BRD10: variants seen among roughly 807,000 people sequenced by gnomAD.
BRD10 encodes bromodomain containing 10, also known as uncharacterized bromodomain-containing protein 10.
the BRD10 span, among the ~76,000 whole-genome samples, chr9:5,912,460 G>C: frequency 6.6e-6 from 1 of 151,392 alleles, no homozygotes; most frequent in East Asian, 1.9e-4. Flanking sequence ...GGGGTGGGGG[G>C]TTGGGGAACG....
the BRD10 span, chr9:5,919,717 C>G: frequency 1.2e-6 from 2 of 1,611,604 alleles, no homozygotes; most frequent in Non-Finnish European, 1.7e-6. Flanking sequence ...TCTCTAAGCC[C>G]GACGACTGAA....
chr9:5,943,551 A>G, the BRD10 span, among the ~76,000 whole-genome samples: 36 of 152,098 alleles, frequency 2.4e-4, no homozygotes, highest in South Asian at 4.2e-4. Context: ...AACATAAAAA[A>G]AAAAAAAAAC....
the BRD10 span, among the ~76,000 whole-genome samples, chr9:6,003,190 G>A: frequency 4.6e-5 from 7 of 152,014 alleles, no homozygotes; most frequent in Admixed American, 4.6e-4. Flanking sequence ...ATCATAAATG[G>A]CAAAATTAAA....
At chr9:5,981,386 T>C in the BRD10 span, among the ~76,000 whole-genome samples, 38 of 152,376 alleles carry the variant, frequency 2.5e-4, no homozygotes, top group African/African-American at 9.1e-4. Context: ...TTCTGCTACA[T>C]TGTAACCCCT....
At chr9:5,938,007 A>G in the BRD10 span, among the ~76,000 whole-genome samples, 1 of 152,146 alleles carries the variant, frequency 6.6e-6, no homozygotes, top group African/African-American at 2.4e-5. Flanking sequence ...CATAAAATTC[A>G]TGTTATTTGC....
chr9:5,925,284 A>G, the BRD10 span, among the ~76,000 whole-genome samples: 3 of 151,040 alleles, frequency 2.0e-5, no homozygotes, highest in Non-Finnish European at 4.4e-5. Flanking sequence ...GCTTGAACCC[A>G]GGAGGTGGAG....
At chr9:5,982,046 T>C in the BRD10 span, among the ~76,000 whole-genome samples, 2 of 145,250 alleles carry the variant, frequency 1.4e-5, no homozygotes, top group Non-Finnish European at 1.5e-5. Context: ...TGTATGTATG[T>C]ATGTGTGTGT....
the BRD10 span, chr9:6,007,222 A>G: frequency 6.2e-7 from 1 of 1,613,568 alleles, no homozygotes. Flanking sequence ...CTTCTGCTCC[A>G]GCATCATCTC....
the BRD10 span, chr9:5,923,274 C>T: frequency 5.6e-6 from 9 of 1,610,606 alleles, no homozygotes; most frequent in Non-Finnish European, 6.8e-6. Context: ...TTGCTTCTAG[C>T]CATAGGAAAA....
At chr9:5,918,310 T>A in the BRD10 span, among the ~76,000 whole-genome samples, 1 of 152,176 alleles carries the variant, frequency 6.6e-6, no homozygotes, top group African/African-American at 2.4e-5. Flanking sequence ...CAACAATAAC[T>A]TCATGTGATG....
At chr9:5,948,923 T>C in the BRD10 span, among the ~76,000 whole-genome samples, 87 of 152,242 alleles carry the variant, frequency 5.7e-4, no homozygotes, top group Admixed American at 2.6e-3. Flanking sequence ...TTTCTTATCA[T>C]CACCATACCA....
the BRD10 span, among the ~76,000 whole-genome samples, chr9:5,943,412 C>T: frequency 1.3e-5 from 2 of 151,922 alleles, no homozygotes; most frequent in African/African-American, 4.8e-5. Context: ...CTTTATTTAA[C>T]AGAATTGTTT....
chr9:5,944,966 A>G, the BRD10 span: 1 of 1,455,886 alleles, frequency 6.9e-7, no homozygotes, highest in African/African-American at 1.4e-5. Context: ...ATAAGCTAAA[A>G]TAAAACACAA....
At chr9:5,943,794 T>C in the BRD10 span, among the ~76,000 whole-genome samples, 4 of 152,216 alleles carry the variant, frequency 2.6e-5, no homozygotes, top group South Asian at 2.1e-4. Context: ...TTCTTGCTAA[T>C]TGATGACTAT....
the BRD10 span, among the ~76,000 whole-genome samples, chr9:5,903,135 A>T: frequency 6.6e-6 from 1 of 152,164 alleles, no homozygotes; most frequent in Non-Finnish European, 1.5e-5. Flanking sequence ...GGAATTTTTC[A>T]GTTATCTTTC....
At chr9:5,893,108 A>T in the BRD10 span, among the ~76,000 whole-genome samples, 8,237 of 152,294 alleles carry the variant, frequency 0.054, 712 homozygotes, top group African/African-American at 0.18. Context: ...GCATTTCTAA[A>T]TGCTAAGCAT....
At chr9:5,945,758 A>G in the BRD10 span, among the ~76,000 whole-genome samples, 2 of 152,074 alleles carry the variant, frequency 1.3e-5, no homozygotes, top group Admixed American at 6.6e-5. Context: ...CATTCAATAT[A>G]CTTTTTTCCT....
chr9:5,892,389 T>C, the BRD10 span: 1 of 1,187,886 alleles, frequency 8.4e-7, no homozygotes, highest in Admixed American at 2.1e-5. Context: ...TGGGTCTTTA[T>C]GAGATGATGA....
the BRD10 span, chr9:6,008,153 C>G: frequency 6.1e-6 from 6 of 981,240 alleles, no homozygotes; most frequent in Non-Finnish European, 7.3e-6. Context: ...GCCCCACCCC[C>G]TCCCGGGCCA....
Sources: gnomAD v4.1 joint callset for allele counts (sites outside exome capture counted in the v4.1 genomes callset) on GRCh38, gnomAD v4.1.1 for gene constraint, MANE v1.5 for transcripts, NCBI Gene and HGNC (gene_info 2026-07-23, HGNC 2026-07-21) for gene names.